Variants in BBS9 observed in about 807,000 individuals in gnomAD.
The protein encoded by BBS9 is Bardet-Biedl syndrome 9, also known as protein PTHB1.
Under a neutral mutation model 117.7 loss-of-function variants are expected in BBS9, and 89 were observed. The observed-to-expected ratio is 0.76, with a 90% confidence interval of 0.64 to 0.90. The LOEUF (loss-of-function observed/expected upper bound fraction) is 0.90. Among genes scored for constraint, BBS9 ranks in the 40% least tolerant of loss-of-function variants. The pLI is 0.00. For missense variants in BBS9, 982 were observed against 1,042.2 expected, an observed-to-expected ratio of 0.94 and a Z score of 0.80; for synonymous variants, 379 against 370.9, an observed-to-expected ratio of 1.02 and a Z score of -0.25.
chr7:33,508,606 A>T (rs1159656302), intron 20 of BBS9, among the ~76,000 whole-genome samples: 1 of 152,212 alleles, frequency 6.6e-6, no homozygotes, highest in Admixed American at 6.5e-5. Context: ...CCCTTTTTAT[A>T]CACGTGCTTC....
chr7:33,272,701 G>T (rs1045905205), intron 7 of BBS9, among the ~76,000 whole-genome samples: 1 of 152,014 alleles, frequency 6.6e-6, no homozygotes, highest in Non-Finnish European at 1.5e-5. Context: ...TATTAAATTT[G>T]ATTTGCAAAT....
intron 5 of BBS9, among the ~76,000 whole-genome samples, chr7:33,234,332 C>G (rs1417489181): frequency 6.6e-6 from 1 of 151,866 alleles, no homozygotes; most frequent in Non-Finnish European, 1.5e-5. Context: ...TTTCCCCCAG[C>G]TATTGAGGTA....
At chr7:33,171,747 C>G (rs920910775) in intron 4 of BBS9, among the ~76,000 whole-genome samples, 8 of 152,152 alleles carry the variant, frequency 5.3e-5, no homozygotes, top group African/African-American at 1.9e-4. Flanking sequence ...ATGACTCAGA[C>G]ATTTTATGAT....
intron 19 of BBS9, among the ~76,000 whole-genome samples, chr7:33,407,305 C>T (rs564347296): frequency 6.6e-6 from 1 of 152,288 alleles, no homozygotes; most frequent in Admixed American, 6.5e-5. Context: ...AAGCACTTCT[C>T]TGTATTGGTT....
Position 33,430,909 on chromosome 7 carries a change from C to T in BBS9, c.2115+42765C>T, listed in dbSNP as rs565002896. ...GAGAAAGATTTGACAATGGTACTGGCCTGGCATGGTGGCTCACGCCTATAA... is the reference window on the plus strand; with the variant it reads ...GAGAAAGATTTGACAATGGTACTGGTCTGGCATGGTGGCTCACGCCTATAA... On this transcript the variant is annotated intron_variant, in intron 19 of 22. Transcript: ENST00000242067. 3.9e-5 allele frequency among the ~76,000 whole-genome samples: 6 copies of T among 152,128 alleles called. No homozygotes were observed. The South Asian group carries it at 1.2e-3, about 32-fold the overall frequency.
In BBS9 at chr7:33,395,039, T is replaced by C. The variant is rs796123001; in HGVS notation, c.2115+6895T>C. On this transcript the variant is annotated intron_variant, in intron 19 of 22. Transcript: ENST00000242067. ...GGTGGGACATAGACAGCCTAGATTT[T>C]CTTTAGCAAAATTATGGTCAGGGTA... Among the ~76,000 whole-genome samples the C allele has an allele frequency of 5.3e-5, 8 of 152,346 alleles. No homozygotes were observed. In the South Asian group the frequency reaches 1.7e-3, roughly 32 times the overall value.
intron 1 of BBS9, among the ~76,000 whole-genome samples, chr7:33,130,285 A>C (rs1227605192): frequency 6.6e-6 from 1 of 152,224 alleles, no homozygotes; most frequent in Non-Finnish European, 1.5e-5. Flanking sequence ...CACTTGGAGC[A>C]TGAGCATCCT....
intron 5 of BBS9, among the ~76,000 whole-genome samples, chr7:33,199,354 A>T (rs1785455086): frequency 6.6e-6 from 1 of 151,984 alleles, no homozygotes; most frequent in Non-Finnish European, 1.5e-5. Flanking sequence ...CACTAAAATT[A>T]GGGACCTCTA....
intron 16 of BBS9, 62 bp from the exon 17 acceptor site, chr7:33,367,705 A>G: frequency 7.1e-7 from 1 of 1,405,482 alleles, no homozygotes; most frequent in Non-Finnish European, 1.0e-6. Context: ...TAAGGTTCCT[A>G]TTTCAAATGT....
chr7:33,552,857 T>C (rs923407748), intron 21 of BBS9, among the ~76,000 whole-genome samples: 1 of 152,186 alleles, frequency 6.6e-6, no homozygotes, highest in Non-Finnish European at 1.5e-5. Context: ...GGTTTTAGGA[T>C]TAAACTTAGA....
intron 21 of BBS9, among the ~76,000 whole-genome samples, chr7:33,557,182 G>A (rs1855415603): frequency 6.6e-6 from 1 of 152,106 alleles, no homozygotes; most frequent in African/African-American, 2.4e-5. Flanking sequence ...TGATAACCCT[G>A]TCTAGAATAC....
intron 5 of BBS9, among the ~76,000 whole-genome samples, chr7:33,193,995 G>A (rs1400129760): frequency 2.6e-5 from 4 of 152,002 alleles, no homozygotes; most frequent in African/African-American, 9.7e-5. Flanking sequence ...TCCTCCTCTC[G>A]CCTGTCTTCC....
At chr7:33,625,339 T>C (rs1865588993) in intron 21 of BBS9, among the ~76,000 whole-genome samples, 1 of 152,126 alleles carries the variant, frequency 6.6e-6, no homozygotes, top group African/African-American at 2.4e-5. Flanking sequence ...GGCCCTGAAT[T>C]CTACTCATAT....
At chr7:33,199,222 A>G (rs10272438) in intron 5 of BBS9, among the ~76,000 whole-genome samples, 28,352 of 151,842 alleles carry the variant, frequency 0.19, 3,525 homozygotes, top group Admixed American at 0.34. Context: ...TGATGTCAAT[A>G]TTTAGAATAG....
At chr7:33,559,347 G>A (rs947501416) in intron 21 of BBS9, among the ~76,000 whole-genome samples, 1 of 151,998 alleles carries the variant, frequency 6.6e-6, no homozygotes, top group Non-Finnish European at 1.5e-5. Context: ...GTGTCTTGGG[G>A]GTACAAGTGA....
intron 4 of BBS9, among the ~76,000 whole-genome samples, chr7:33,172,249 C>T (rs745528843): frequency 3.3e-5 from 5 of 152,008 alleles, no homozygotes; most frequent in East Asian, 1.9e-4. Context: ...GACATGGTGG[C>T]GGGCGCCTGT....
intron 19 of BBS9, among the ~76,000 whole-genome samples, chr7:33,435,867 A>G (rs534886802): frequency 6.6e-6 from 1 of 152,246 alleles, no homozygotes; most frequent in African/African-American, 2.4e-5. Context: ...GTTCATTATT[A>G]TCAGTGCTGA....
chr7:33,330,745 C>T (rs1188382767), intron 9 of BBS9, among the ~76,000 whole-genome samples: 1 of 152,156 alleles, frequency 6.6e-6, no homozygotes, highest in East Asian at 1.9e-4. Flanking sequence ...AATTACCAAA[C>T]GTCCTAGGAA....
chr7:33,382,473 A>G (rs1416813968), intron 17 of BBS9, among the ~76,000 whole-genome samples: 2 of 152,064 alleles, frequency 1.3e-5, no homozygotes, highest in Non-Finnish European at 2.9e-5. Context: ...AAAAAAAAAA[A>G]AAAAGTGTAT....
Sources: gnomAD v4.1 joint callset for allele counts (sites outside exome capture counted in the v4.1 genomes callset) on GRCh38, gnomAD v4.1.1 for gene constraint, MANE v1.5 for transcripts, NCBI Gene and HGNC (gene_info 2026-07-23, HGNC 2026-07-21) for gene names.